SERPING1: variants seen among roughly 807,000 people sequenced by gnomAD.
SERPING1 encodes the protein plasma protease C1 inhibitor.
A neutral mutation model predicts 34.1 loss-of-function variants in SERPING1; 5 were observed. The ratio of observed to expected loss-of-function variants is 0.15; its 90% CI spans 0.08 to 0.31. SERPING1 has a LOEUF of 0.31. Ranked by LOEUF, SERPING1 falls within the 10% of genes least tolerant of loss-of-function variation. SERPING1 has a pLI of 1.00. For missense variants in SERPING1, 505 were observed against 609.5 expected (o/e 0.83, Z 1.81); for synonymous variants, 225 against 242.4 (o/e 0.93, Z 0.67).
chr11:57,606,618 C>A, intron 6 of SERPING1, 71 bp downstream of exon 6: 1 of 1,514,236 alleles, frequency 6.6e-7, no homozygotes, highest in Non-Finnish European at 9.1e-7. Context: ...CTGCTGTAGT[C>A]CCATCATTTT....
Position 57,611,724 on chromosome 11 carries a change from A to G in SERPING1, c.1037A>G (p.Gln346Arg). ...GCATCTCTTATTTTCTAGGTGGGGCAGCTGCAGCTCTCCCACAATCTGAGT... is the reference window on the plus strand; with the variant it reads ...GCATCTCTTATTTTCTAGGTGGGGCGGCTGCAGCTCTCCCACAATCTGAGT... ...IDQTLKAKVG[Q>R]LQLSHNLSLV... The change falls in exon 7 of 8, where the codon CAG (glutamine) becomes CGG (arginine). Residue 346 changes from glutamine (Q) to arginine (R), a missense_variant. Physicochemically the swap from Gln to Arg is conservative, Grantham distance 43 (BLOSUM62 1). Coordinates refer to ENST00000278407, the MANE Select transcript of SERPING1 (RefSeq NM_000062.3). The G allele has an allele frequency of 6.2e-7, 1 of 1,614,112 alleles. No homozygotes were observed. Among genetic ancestry groups the G allele is most frequent in the Non-Finnish European group, 8.5e-7 (1 of 1,179,950 alleles).
intron 6 of SERPING1, among the ~76,000 whole-genome samples, chr11:57,610,795 T>A (rs1945468953): frequency 6.6e-6 from 1 of 152,210 alleles, no homozygotes; most frequent in Non-Finnish European, 1.5e-5. Context: ...CTGCCAGCTA[T>A]GACAACCAAA....
chr11:57,612,396 C>CCATTTT (rs1945487314), intron 7 of SERPING1, among the ~76,000 whole-genome samples: 1 of 151,644 alleles, frequency 6.6e-6, no homozygotes, highest in Non-Finnish European at 1.5e-5. Flanking sequence ...AACAGAGACT[C>CCATTTT]CATTTTCTTT....
chr11:57,606,595 C>T (rs1945412949), intron 6 of SERPING1, 48 bp downstream of exon 6: 1 of 1,607,962 alleles, frequency 6.2e-7, no homozygotes, highest in South Asian at 1.1e-5. Flanking sequence ...ACTTGAGTCT[C>T]CTGACTTTTT....
intron 4 of SERPING1, chr11:57,605,692 A>C: frequency 2.6e-6 from 1 of 387,210 alleles, no homozygotes; most frequent in Non-Finnish European, 4.9e-6. Flanking sequence ...CCGTGCCAAA[A>C]TTAAGGGAAG....
chr11:57,602,177 C>T lies in SERPING1; in HGVS notation c.685+8C>T. ...AGATCTTCCACAGCCCAGGTGAGTG[C>T]CCAGGAATGGGCAGTGTCTGCAGAG... On this transcript the variant is annotated splice_region_variant and intron_variant, in intron 4 of 7. Transcript: ENST00000278407. The T allele has an allele frequency of 6.2e-7, 1 of 1,614,078 alleles. No individual in the cohort carries two copies. The highest frequency in any genetic ancestry group is 8.5e-7 in the Non-Finnish European group (1 of 1,180,006).
At position 57,600,110 on chromosome 11, in the gene SERPING1, A is replaced by ACCACCCAACCCACCATCCAAC. The variant is rs1945331199; in HGVS notation, c.294_314dup (p.Ile100_Thr106dup). 5 of 873,318 alleles carry ACCACCCAACCCACCATCCAAC rather than the reference A, an allele frequency of 5.7e-6. No individual in the cohort carries two copies. Among genetic ancestry groups the ACCACCCAACCCACCATCCAAC allele is most frequent in the Non-Finnish European group, 8.6e-6 (5 of 582,282 alleles). 54.1% of individuals were successfully genotyped at this position (873,318 alleles called of 1,614,324 possible). On this transcript the variant is annotated inframe_insertion, in exon 3 of 8. Coordinates refer to ENST00000278407, the MANE Select transcript of SERPING1 (RefSeq NM_000062.3). ...CACCACACAACCCACCACAGAGCCC[A>ACCACCCAACCCACCATCCAAC]CCACCCAACCCACCATCCAACCCAC...
chr11:57,601,754 T>G (rs934917061), intron 3 of SERPING1, among the ~76,000 whole-genome samples: 1 of 149,860 alleles, frequency 6.7e-6, no homozygotes, highest in African/African-American at 2.5e-5. Flanking sequence ...TCCCAGCTAC[T>G]TGGGAGGCAG....
chr11:57,609,660 A>G (rs1476796181), intron 6 of SERPING1, among the ~76,000 whole-genome samples: 1 of 152,114 alleles, frequency 6.6e-6, no homozygotes, highest in African/African-American at 2.4e-5. Flanking sequence ...AACAGATTAA[A>G]CTCCTTTAAA....
Position 57,601,535 on chromosome 11 carries a change from C to G in SERPING1, c.551-500C>G, listed in dbSNP as rs28362947. ...TAGGAATGGCACAAACAAATTACTA[C>G]AAGCAGTGGGGACAGAGCTATTACT... is the stretch of plus-strand genomic sequence containing the variant. On this transcript the variant is annotated intron_variant, in intron 3 of 7. Transcript: ENST00000278407. 0.21 allele frequency among the ~76,000 whole-genome samples: 31,568 copies of G among 151,794 alleles called. 3,699 individuals carry two copies. Among genetic ancestry groups the G allele is most frequent in the Non-Finnish European group, 0.27 (18,336 of 67,852 alleles).
intron 4 of SERPING1, 75 bp downstream of exon 4, chr11:57,602,244 GA>G (rs1275574237): frequency 1.3e-6 from 2 of 1,551,900 alleles, no homozygotes; most frequent in Non-Finnish European, 1.8e-6. Flanking sequence ...CAGCGCTGGG[GA>G]AAGAAAGGAC....
chr11:57,611,701 A>G lies in SERPING1; in HGVS notation c.1030-16A>G. The stretch of plus-strand genomic sequence containing the variant: ...TGCGGTAGGAAGACTGTTAAGATGC[A>G]TCTCTTATTTTCTAGGTGGGGCAGC... On this transcript the variant is annotated splice_polypyrimidine_tract_variant and intron_variant, in intron 6 of 7. Transcript: ENST00000278407. The G allele has an allele frequency of 6.2e-7, 1 of 1,611,048 alleles. No individual in the cohort carries two copies. Among genetic ancestry groups the G allele is most frequent in the Non-Finnish European group, 8.5e-7 (1 of 1,177,286 alleles).
rs774944411 is a variant in SERPING1, at chr11:57,600,066, C to T, written c.239C>T (p.Ala80Val). The T allele has an allele frequency of 1.7e-5, 27 of 1,613,960 alleles. No homozygotes were observed. Among genetic ancestry groups the T allele is most frequent in the Non-Finnish European group, 1.9e-5 (23 of 1,179,926 alleles). ...ACCAATTCAGCCACCAAAATAACAGCTAATACCACTGATGAACCCACCACA... is the reference window on the plus strand; with the variant it reads ...ACCAATTCAGCCACCAAAATAACAGTTAATACCACTGATGAACCCACCACA... The part of the protein sequence containing the change: ...STTNSATKIT[A>V]NTTDEPTTQP... The change falls in exon 3 of 8, where the codon GCT (alanine) becomes GTT (valine). Residue 80 changes from alanine to valine, a missense_variant. Ala to Val is a moderately conservative substitution (Grantham distance 64). Transcript: ENST00000278407.
chr11:57,606,672 G>C, intron 6 of SERPING1, 125 bp downstream of exon 6: 4 of 987,574 alleles, frequency 4.1e-6, no homozygotes, highest in Non-Finnish European at 6.5e-6. Context: ...CCTTCCATCT[G>C]TATTTCCACC....
intron 3 of SERPING1, among the ~76,000 whole-genome samples, chr11:57,601,359 C>G (rs1945345546): frequency 6.6e-6 from 1 of 150,594 alleles, no homozygotes; most frequent in Non-Finnish European, 1.5e-5. Context: ...CGAAATCATG[C>G]CACTGCACTC....
At chr11:57,610,302 A>T (rs2135322893) in intron 6 of SERPING1, among the ~76,000 whole-genome samples, 1 of 152,340 alleles carries the variant, frequency 6.6e-6, no homozygotes, top group East Asian at 1.9e-4. Context: ...AGGGGGTGAG[A>T]TTTACCGGCT....
intron 6 of SERPING1, among the ~76,000 whole-genome samples, chr11:57,607,951 G>A (rs2508441): frequency 0.39 from 59,068 of 152,118 alleles, 11,801 homozygotes; most frequent in African/African-American, 0.42. Flanking sequence ...GAGCCACAGC[G>A]CCCAGCTGAG....
rs1307009537 is a variant in SERPING1 at position 57,614,332 on chromosome 11, C to T, written c.1254C>T (p.Phe418=). Residue 418 remains phenylalanine, a synonymous_variant, in exon 8 of 8, where the codon TTC becomes TTT. Coordinates refer to ENST00000278407, the MANE Select transcript of SERPING1 (RefSeq NM_000062.3). ...TTTTCTCTGGTTTTGCCCTAGAATT[C>T]TTCGATTTTTCTTATGACCTTAACC... is the stretch of plus-strand genomic sequence containing the variant. ...DMLSIMEKLE[F]FDFSYDLNLC... 1 of 1,613,728 alleles carries T rather than the reference C, an allele frequency of 6.2e-7. No homozygotes were observed. The highest frequency in any genetic ancestry group is 8.5e-7 in the Non-Finnish European group (1 of 1,180,036).
At chr11:57,600,943 T>A (rs1463810332) in intron 3 of SERPING1, among the ~76,000 whole-genome samples, 1 of 113,538 alleles carries the variant, frequency 8.8e-6, no homozygotes, top group Non-Finnish European at 1.8e-5. Flanking sequence ...AGAGCGAGAC[T>A]CTGTCTCAAA....
Sources: allele counts gnomAD v4.1 joint callset (sites outside exome capture counted in the v4.1 genomes callset), GRCh38; gene constraint gnomAD v4.1.1; transcripts MANE v1.5; gene names NCBI Gene and HGNC (gene_info 2026-07-23, HGNC 2026-07-21).